ANKRD55: variants seen among roughly 807,000 people sequenced by gnomAD.
The protein encoded by ANKRD55 is ankyrin repeat domain-containing protein 55.
Under a neutral mutation model 60.6 loss-of-function variants are expected in ANKRD55, and 41 were observed. The ratio of observed to expected loss-of-function variants is 0.68; its 90% CI spans 0.53 to 0.88. The LOEUF (loss-of-function observed/expected upper bound fraction) is 0.88. Among genes scored for constraint, ANKRD55 ranks in the 40% least tolerant of loss-of-function variants. The pLI is 0.00. For synonymous variants in ANKRD55, 264 were observed against 290.3 expected (o/e 0.91, Z 0.92); for missense variants, 732 against 767.6 (o/e 0.95, Z 0.55).
chr5:56,148,738 T>A (rs1757961941), intron 6 of ANKRD55, among the ~76,000 whole-genome samples: 2 of 152,118 alleles, frequency 1.3e-5, no homozygotes, highest in Admixed American at 1.3e-4. Context: ...TTCAGAACTG[T>A]ACTTTTAGAG....
At chr5:56,139,780 A>G (rs1293441425) in intron 7 of ANKRD55, among the ~76,000 whole-genome samples, 1 of 152,206 alleles carries the variant, frequency 6.6e-6, no homozygotes, top group Non-Finnish European at 1.5e-5. Flanking sequence ...CTCTGTAAGA[A>G]TAGATTGGAA....
At chr5:56,199,130 T>A (rs1159371316) in intron 2 of ANKRD55, among the ~76,000 whole-genome samples, 1 of 150,608 alleles carries the variant, frequency 6.6e-6, no homozygotes, top group Non-Finnish European at 1.5e-5. Flanking sequence ...CACGTGTTTA[T>A]ATCTAAGAGT....
intron 5 of ANKRD55, among the ~76,000 whole-genome samples, chr5:56,167,556 A>G (rs1400503259): frequency 6.6e-6 from 1 of 152,246 alleles, no homozygotes; most frequent in African/African-American, 2.4e-5. Context: ...GGAATAGTCA[A>G]TCTTAACTTT....
chr5:56,219,714 C>T (rs978236584), intron 2 of ANKRD55, among the ~76,000 whole-genome samples: 1 of 152,204 alleles, frequency 6.6e-6, no homozygotes, highest in Non-Finnish European at 1.5e-5. Context: ...TAGCCCCACC[C>T]ATATGCCACC....
chr5:56,134,765 A>G (rs573747281), intron 7 of ANKRD55, among the ~76,000 whole-genome samples: 57 of 152,230 alleles, frequency 3.7e-4, no homozygotes, highest in African/African-American at 1.3e-3. Context: ...ATCAGTCAGT[A>G]TCACCCTAAT....
intron 6 of ANKRD55, 102 bp from the exon 7 acceptor site, chr5:56,144,031 C>T (rs1027937961): frequency 6.1e-6 from 9 of 1,476,648 alleles, no homozygotes; most frequent in South Asian, 1.2e-5. Context: ...TCACCAGATG[C>T]GTTGGTTGTT....
At chr5:56,183,694 A>G in intron 2 of ANKRD55, 60 bp from the exon 3 acceptor site, 1 of 1,595,578 alleles carries the variant, frequency 6.3e-7, no homozygotes, top group South Asian at 1.1e-5. Context: ...AAAGAATAAC[A>G]ATACCCAAGT....
At chr5:56,157,651 A>G (rs925433837) in intron 6 of ANKRD55, among the ~76,000 whole-genome samples, 39 of 152,332 alleles carry the variant, frequency 2.6e-4, no homozygotes, top group African/African-American at 8.7e-4. Flanking sequence ...TGCACATCAA[A>G]AGCACAGCAC....
At chr5:56,147,080 A>C (rs1254344735) in intron 6 of ANKRD55, among the ~76,000 whole-genome samples, 1 of 152,166 alleles carries the variant, frequency 6.6e-6, no homozygotes, top group Admixed American at 6.5e-5. Flanking sequence ...GTGGGGTGGG[A>C]GGAGTGCTAT....
intron 9 of ANKRD55, among the ~76,000 whole-genome samples, chr5:56,113,912 A>G (rs1756810620): frequency 6.6e-6 from 1 of 151,140 alleles, no homozygotes; most frequent in African/African-American, 2.4e-5. Flanking sequence ...GGCTTCCCAA[A>G]GTGTGGAGGT....
intron 2 of ANKRD55, among the ~76,000 whole-genome samples, chr5:56,228,888 T>C (rs996968116): frequency 6.6e-6 from 1 of 152,176 alleles, no homozygotes; most frequent in African/African-American, 2.4e-5. Context: ...CCTCTCTTTT[T>C]CCAGCAACTC....
In ANKRD55 at chr5:56,166,254, TTTCCTTCCTTCC is replaced by T. The variant is rs201171927; in HGVS notation, c.422+4428_422+4439del. ...CTTTCTCTCTATCTTTCTCTCTTTC[TTTCCTTCCTTCC>T]TTCCTTCCTTCCTTCGGGTCTTGTG... On this transcript the variant is annotated intron_variant, in intron 5 of 11. Coordinates refer to ENST00000341048, the MANE Select transcript of ANKRD55 (RefSeq NM_024669.3). 1.5e-3 allele frequency among the ~76,000 whole-genome samples: 212 copies of T among 145,488 alleles called. 1 individual carries two copies. The East Asian group carries it at 0.016, about 11-fold the overall frequency.
chr5:56,230,098 T>G (rs926212860), intron 2 of ANKRD55, among the ~76,000 whole-genome samples: 4 of 152,124 alleles, frequency 2.6e-5, no homozygotes, highest in African/African-American at 4.8e-5. Context: ...TTCAGATGAT[T>G]CTTTTTTCTT....
rs1757628217 is a variant in ANKRD55 at position 56,137,199 on chromosome 5, C to T, written c.612+6602G>A. On this transcript the variant is annotated intron_variant, in intron 7 of 11. Coordinates refer to ENST00000341048, the MANE Select transcript of ANKRD55 (RefSeq NM_024669.3). ...AGTTGGCAAGTGTGCCCAGGCCAAG[C>T]AGTGGGGCTGGACACAAGGTCGGTG... The T allele has an allele frequency of 2.5e-6, 4 of 1,609,692 alleles. No homozygotes were observed. The Admixed American group carries it at 6.7e-5, about 27-fold the overall frequency.
In ANKRD55 at chr5:56,116,763, C is replaced by A; in HGVS notation, c.817G>T (p.Ala273Ser). ...ACACATTCGGCCTTCCCTGCAGCTG[C>A]AGCCCAGTGCAGAGGTGTCCTGGAG... ...VDDRTPLHWAAAAGKAECVQS... is the reference protein window; with the variant it reads ...VDDRTPLHWASAAGKAECVQS... Residue 273 changes from alanine (A) to serine (S), a missense_variant, in exon 9 of 12, where the codon GCA (alanine) becomes TCA (serine). Physicochemically the swap from Ala to Ser is moderately conservative, Grantham distance 99. Transcript: ENST00000341048. The A allele has an allele frequency of 6.2e-7, 1 of 1,611,954 alleles. No homozygotes were observed. Among genetic ancestry groups the A allele is most frequent in the South Asian group, 1.1e-5 (1 of 90,862 alleles).
chr5:56,140,246 A>G (rs1757723136), intron 7 of ANKRD55, among the ~76,000 whole-genome samples: 1 of 152,254 alleles, frequency 6.6e-6, no homozygotes, highest in Admixed American at 6.5e-5. Context: ...AGAAGTCTAA[A>G]GAAGGCAAGT....
chr5:56,134,712 T>C lies in ANKRD55; in HGVS notation c.613-7606A>G, dbSNP rs186512093. Among the ~76,000 whole-genome samples the C allele has an allele frequency of 7.2e-5, 11 of 152,300 alleles. No homozygotes were observed. The East Asian group carries it at 2.1e-3, about 29-fold the overall frequency. On this transcript the variant is annotated intron_variant, in intron 7 of 11. Coordinates refer to ENST00000341048, the MANE Select transcript of ANKRD55 (RefSeq NM_024669.3). ...AAAATATAACGGTTTTTTAAGAATC[T>C]CTTTCAGAAGATAGAAGCCTAGGGA...
intron 2 of ANKRD55, among the ~76,000 whole-genome samples, chr5:56,203,354 A>T (rs1319112336): frequency 1.3e-5 from 2 of 152,002 alleles, no homozygotes; most frequent in Admixed American, 1.3e-4. Flanking sequence ...ATTTAATTTT[A>T]TTATTATTAT....
intron 10 of ANKRD55, chr5:56,108,401 TCAAAAG>T (rs1756562484): frequency 6.6e-6 from 1 of 152,152 alleles, no homozygotes; most frequent in Non-Finnish European, 1.5e-5. Flanking sequence ...CCCTGAAGTG[TCAAAAG>T]GTGGCAGACC....
Sources: allele counts gnomAD v4.1 joint callset (sites outside exome capture counted in the v4.1 genomes callset), GRCh38; gene constraint gnomAD v4.1.1; transcripts MANE v1.5; gene names NCBI Gene and HGNC (gene_info 2026-07-23, HGNC 2026-07-21).